KLF8: variants seen among roughly 807,000 people sequenced by gnomAD.
KLF8 encodes KLF transcription factor 8, also known as Krueppel-like factor 8.
A neutral mutation model predicts 18.2 loss-of-function variants in KLF8; 10 were observed. The ratio of observed to expected loss-of-function variants is 0.55; its 90% CI spans 0.34 to 0.93. The LOEUF (loss-of-function observed/expected upper bound fraction) is 0.93. Ranked by LOEUF, KLF8 falls within the 40% of genes least tolerant of loss-of-function variation. The probability of loss-of-function intolerance (pLI) is 0.02; values close to 1 mark genes in which losing one functional copy is unlikely to be tolerated. For missense variants in KLF8, 264 were observed against 277.9 expected (o/e 0.95, Z 0.36); for synonymous variants, 109 against 97.3 (o/e 1.12, Z -0.71).
chrX:55,911,223 T>G, the KLF8 span, among the ~76,000 whole-genome samples: 3 of 111,671 alleles, frequency 2.7e-5, no homozygotes, highest in Non-Finnish European at 5.6e-5. Context: ...TCTTCATGTT[T>G]AGTAGATTGA....
the KLF8 span, among the ~76,000 whole-genome samples, chrX:56,125,250 C>T: frequency 1.8e-5 from 2 of 111,803 alleles, no homozygotes; most frequent in Non-Finnish European, 3.8e-5. Flanking sequence ...TTCTCATTTG[C>T]CTAACCTCTG....
chrX:55,957,951 G>T, the KLF8 span, among the ~76,000 whole-genome samples: 2 of 112,065 alleles, frequency 1.8e-5, no homozygotes, highest in African/African-American at 6.5e-5. Flanking sequence ...GAAAATTAAT[G>T]CATAGAGAAA....
the KLF8 span, among the ~76,000 whole-genome samples, chrX:56,002,546 C>T: frequency 2.3e-4 from 25 of 110,938 alleles, no homozygotes; most frequent in African/African-American, 7.9e-4. Flanking sequence ...AACATTGTTT[C>T]TAGCACATGA....
chrX:56,002,269 T>A, the KLF8 span, among the ~76,000 whole-genome samples: 4 of 111,590 alleles, frequency 3.6e-5, 1 homozygote, highest in Admixed American at 3.8e-4. Context: ...ACACCTATTC[T>A]TTTTTTTGAA....
At chrX:56,142,166 G>C in the KLF8 span, among the ~76,000 whole-genome samples, 1 of 110,748 alleles carries the variant, frequency 9.0e-6, no homozygotes. Context: ...CTATCTTTTC[G>C]TTTGTTATTT....
chrX:55,943,259 A>C, the KLF8 span, among the ~76,000 whole-genome samples: 9 of 110,572 alleles, frequency 8.1e-5, no homozygotes, highest in African/African-American at 3.0e-4. Flanking sequence ...ATCCAAGTAG[A>C]AGCACTAGAG....
chrX:56,097,972 C>T, the KLF8 span, among the ~76,000 whole-genome samples: 5 of 110,397 alleles, frequency 4.5e-5, no homozygotes, highest in Admixed American at 4.8e-4. Flanking sequence ...ATTTGATCCC[C>T]AATATTAGAG....
the KLF8 span, among the ~76,000 whole-genome samples, chrX:56,030,298 A>T: frequency 9.0e-6 from 1 of 111,189 alleles, no homozygotes; most frequent in South Asian, 3.8e-4. Context: ...ATTCTTATGT[A>T]TTCCTGGGGA....
chrX:56,288,448 A>C lies in KLF8; in HGVS notation c.*3954A>C, dbSNP rs1041186827. ...ACTGAGGTTATGAGTTTTTGAAAGT[A>C]GGACCACGGAGAAGAAGTGCCATTT... is the stretch of plus-strand genomic sequence containing the variant. On this transcript the variant is annotated 3_prime_UTR_variant, in exon 6 of 6. Transcript: ENST00000468660. 3.6e-5 allele frequency among the ~76,000 whole-genome samples: 4 copies of C among 111,147 alleles called. No individual in the cohort carries two copies. The highest frequency in any genetic ancestry group is 9.8e-5 in the African/African-American group (3 of 30,539).
At chrX:56,189,273 C>T in the KLF8 span, among the ~76,000 whole-genome samples, 1 of 112,041 alleles carries the variant, frequency 8.9e-6, no homozygotes, top group African/African-American at 3.2e-5. Context: ...TGAAAAAATG[C>T]TCATCATCAC....
At chrX:56,132,172 C>A in the KLF8 span, among the ~76,000 whole-genome samples, 3 of 111,632 alleles carry the variant, frequency 2.7e-5, no homozygotes, top group Non-Finnish European at 3.8e-5. Flanking sequence ...TATCCAGCAA[C>A]CATAGAATAT....
chrX:56,062,106 C>T, the KLF8 span, among the ~76,000 whole-genome samples: 3 of 106,101 alleles, frequency 2.8e-5, no homozygotes, highest in South Asian at 1.3e-3. Context: ...TGGGTCTTGA[C>T]TCTTTATCCA....
At chrX:56,168,327 A>G in the KLF8 span, among the ~76,000 whole-genome samples, 1 of 111,973 alleles carries the variant, frequency 8.9e-6, no homozygotes, top group Admixed American at 9.6e-5. Context: ...AAAGAAAAAA[A>G]CTTAGCAGAA....
chrX:56,159,237 C>T, the KLF8 span, among the ~76,000 whole-genome samples: 1 of 111,830 alleles, frequency 8.9e-6, no homozygotes, highest in East Asian at 2.8e-4. Flanking sequence ...GGGATGAAGC[C>T]CACCTGATCA....
At chrX:56,184,523 G>T in the KLF8 span, among the ~76,000 whole-genome samples, 2 of 112,247 alleles carry the variant, frequency 1.8e-5, no homozygotes. Context: ...GAGAGCAGTG[G>T]TTCTCCCAAC....
At chrX:55,978,564 G>T in the KLF8 span, among the ~76,000 whole-genome samples, 1 of 111,661 alleles carries the variant, frequency 9.0e-6, no homozygotes, top group Admixed American at 9.6e-5. Context: ...GGTGAAAGTA[G>T]CCACAACCAG....
the KLF8 span, among the ~76,000 whole-genome samples, chrX:56,183,609 A>G: frequency 9.0e-6 from 1 of 111,088 alleles, no homozygotes; most frequent in Non-Finnish European, 1.9e-5. Context: ...CTCCCACAAT[A>G]TAGTATTTAC....
the KLF8 span, among the ~76,000 whole-genome samples, chrX:55,922,938 G>C: frequency 9.0e-6 from 1 of 111,663 alleles, no homozygotes; most frequent in Non-Finnish European, 1.9e-5. Flanking sequence ...AAGATGTAGA[G>C]GCAGAAATAC....
chrX:55,944,221 G>A, the KLF8 span, among the ~76,000 whole-genome samples: 1 of 105,636 alleles, frequency 9.5e-6, no homozygotes, highest in African/African-American at 3.5e-5. Flanking sequence ...TGTGCTGCTG[G>A]ATTCGGTTTG....
Sources: allele counts gnomAD v4.1 joint callset (sites outside exome capture counted in the v4.1 genomes callset), GRCh38; gene constraint gnomAD v4.1.1; transcripts MANE v1.5; gene names NCBI Gene and HGNC (gene_info 2026-07-23, HGNC 2026-07-21).